Variants in SUCLG1 observed in about 807,000 individuals in gnomAD.
SUCLG1 encodes succinate--CoA ligase [ADP/GDP-forming] subunit alpha, mitochondrial.
A neutral mutation model predicts 37.3 loss-of-function variants in SUCLG1; 26 were observed. That is an observed-to-expected ratio of 0.70 (90% CI 0.51 to 0.97). The LOEUF (loss-of-function observed/expected upper bound fraction) is 0.97, where lower values mean the gene tolerates loss of function less well. Among genes scored for constraint, SUCLG1 ranks in the 50% least tolerant of loss-of-function variants. The pLI is 0.00. For synonymous variants in SUCLG1, 163 were observed against 155.6 expected, an observed-to-expected ratio of 1.05 and a Z score of -0.36; for missense variants, 433 against 432.9, an observed-to-expected ratio of 1.00 and a Z score of 0.00.
intron 5 of SUCLG1, among the ~76,000 whole-genome samples, chr2:84,438,663 C>G (rs1486015744): frequency 6.6e-6 from 1 of 152,186 alleles, no homozygotes; most frequent in Admixed American, 6.5e-5. Context: ...TCTCTCCTCA[C>G]CCCCTCAAAA....
At chr2:84,452,910 G>A (rs1473354755) in intron 1 of SUCLG1, among the ~76,000 whole-genome samples, 3 of 152,034 alleles carry the variant, frequency 2.0e-5, no homozygotes, top group Admixed American at 1.3e-4. Context: ...TCTCTTTTTC[G>A]GTGAGTTGGA....
chr2:84,448,893 T>G (rs1344451730), intron 2 of SUCLG1: 1 of 343,572 alleles, frequency 2.9e-6, no homozygotes, highest in Non-Finnish European at 6.1e-6. Context: ...TATGTTTGCA[T>G]GCACAAGAAA....
chr2:84,452,097 C>T (rs1672951018), intron 1 of SUCLG1, among the ~76,000 whole-genome samples: 1 of 151,876 alleles, frequency 6.6e-6, no homozygotes, highest in South Asian at 2.1e-4. Flanking sequence ...TGATGAATGA[C>T]AGTGTCTCAG....
At chr2:84,445,824 A>C (rs539601289) in intron 2 of SUCLG1, among the ~76,000 whole-genome samples, 1 of 152,340 alleles carries the variant, frequency 6.6e-6, no homozygotes, top group East Asian at 1.9e-4. Context: ...ATCTGGTCAA[A>C]ACATAATGAA....
At chr2:84,448,178 A>AAAAC (rs1672879436) in intron 2 of SUCLG1, among the ~76,000 whole-genome samples, 1 of 150,030 alleles carries the variant, frequency 6.7e-6, no homozygotes, top group African/African-American at 2.5e-5. Flanking sequence ...CAGAAAAAAA[A>AAAAC]AAAAACAAAA....
intron 7 of SUCLG1, among the ~76,000 whole-genome samples, chr2:84,427,897 A>G (rs1672557930): frequency 6.6e-6 from 1 of 152,198 alleles, no homozygotes; most frequent in African/African-American, 2.4e-5. Context: ...TGCTTCATCA[A>G]GGACACTCAT....
chr2:84,430,280 C>T (rs4831972), intron 7 of SUCLG1, among the ~76,000 whole-genome samples: 134,872 of 152,220 alleles, frequency 0.89, 60,189 homozygotes, highest in Non-Finnish European at 0.93. Flanking sequence ...TTAAACTTCG[C>T]AGTCCTTACA....
chr2:84,433,410 C>G lies in SUCLG1; in HGVS notation c.615G>C (p.Leu205=), dbSNP rs754337502. 15 of 1,613,916 alleles carry G rather than the reference C, an allele frequency of 9.3e-6. No homozygotes were observed. The highest frequency in any genetic ancestry group is 4.5e-5 in the East Asian group (2 of 44,858). Residue 205 remains leucine (L), a synonymous_variant, in exon 6 of 9, where the codon CTG becomes CTC. Coordinates refer to ENST00000393868, the MANE Select transcript of SUCLG1 (RefSeq NM_003849.4). ...TTGTTTGGTGAACTGCTTCATAAGT[C>G]AGGGTGCCAGATCTGGACACAATGC... ...RIGIVSRSGT[L]TYEAVHQTTQ... is the part of the protein sequence containing the mutation.
intron 1 of SUCLG1, among the ~76,000 whole-genome samples, chr2:84,451,124 A>G (rs2104265786): frequency 6.6e-6 from 1 of 152,222 alleles, no homozygotes; most frequent in Middle Eastern, 3.4e-3. Flanking sequence ...GCTGCATTCG[A>G]GACCCATTCT....
rs1200393047 is a variant in SUCLG1 at position 84,436,715 on chromosome 2, T to C, written c.590-3280A>G. 2.0e-5 allele frequency among the ~76,000 whole-genome samples: 3 copies of C among 152,214 alleles called. No homozygotes were observed. In the East Asian group the frequency reaches 5.8e-4, roughly 29 times the overall value. On this transcript the variant is annotated intron_variant, in intron 5 of 8. Transcript: ENST00000393868. ...TTTGAATATCCTGACCACACACTGA[T>C]TCTCCAATTAAGAACAATGTTCTCC...
chr2:84,425,813 C>T lies in SUCLG1; in HGVS notation c.826-210G>A, dbSNP rs1232869943. ...TTTCCATACAAACTCAGGAATACAACACTGTGCCAATGTCCGTATCTGTTC... is the reference window on the plus strand; with the variant it reads ...TTTCCATACAAACTCAGGAATACAATACTGTGCCAATGTCCGTATCTGTTC... On this transcript the variant is annotated intron_variant, in intron 7 of 8. Coordinates refer to ENST00000393868, the MANE Select transcript of SUCLG1 (RefSeq NM_003849.4). 14 of 606,272 alleles carry T rather than the reference C, an allele frequency of 2.3e-5. No homozygotes were observed. In the East Asian group the frequency reaches 4.0e-4, roughly 17 times the overall value. 37.6% of individuals were successfully genotyped at this position (606,272 alleles called of 1,614,324 possible).
chr2:84,423,967 G>A (rs1169622664), intron 8 of SUCLG1, among the ~76,000 whole-genome samples, 195 bp from the exon 9 acceptor site: 2 of 152,202 alleles, frequency 1.3e-5, no homozygotes, highest in Non-Finnish European at 2.9e-5. Context: ...GTCTGTGTCA[G>A]CCTGAATTTC....
At chr2:84,426,616 G>T (rs963087931) in intron 7 of SUCLG1, 6 of 151,498 alleles carry the variant, frequency 4.0e-5, no homozygotes, top group Non-Finnish European at 8.8e-5. Flanking sequence ...GCAGTGAGCT[G>T]AGATCATGCC....
At chr2:84,424,384 T>C (rs1672500714) in intron 8 of SUCLG1, among the ~76,000 whole-genome samples, 1 of 152,184 alleles carries the variant, frequency 6.6e-6, no homozygotes. Flanking sequence ...ACATCTCCAA[T>C]GTGAATTTAA....
At chr2:84,432,589 T>A (rs766792593) in intron 6 of SUCLG1, 1 of 152,250 alleles carries the variant, frequency 6.6e-6, no homozygotes, top group South Asian at 2.1e-4. Context: ...TATCTTCCAC[T>A]TATATTGTGC....
chr2:84,443,919 C>T (rs1019401926), intron 2 of SUCLG1, among the ~76,000 whole-genome samples: 1 of 152,204 alleles, frequency 6.6e-6, no homozygotes, highest in African/African-American at 2.4e-5. Context: ...TGCCCACCCA[C>T]CAACCTGTAT....
In SUCLG1 at chr2:84,441,289, T is replaced by C. The variant is rs1672768868; in HGVS notation, c.489A>G (p.Glu163=). Residue 163 remains glutamate (E), a synonymous_variant, in exon 4 of 9, where the codon GAA becomes GAG. Coordinates refer to ENST00000393868, the MANE Select transcript of SUCLG1 (RefSeq NM_003849.4). ...VRVKHKLLRQ[E]KTRLIGPNCP... ...AGTTGGGCCCAATTAGCCTTGTCTT[T>C]TCCTGGCGCAGCAGTTTGTGCTTGA... is the stretch of plus-strand genomic sequence containing the variant. 2.5e-6 allele frequency: 4 copies of C among 1,614,144 alleles called. No individual in the cohort carries two copies. The highest frequency in any genetic ancestry group is 3.4e-6 in the Non-Finnish European group (4 of 1,180,012).
intron 3 of SUCLG1, among the ~76,000 whole-genome samples, chr2:84,441,776 T>C (rs1254389608): frequency 6.6e-6 from 1 of 152,154 alleles, no homozygotes; most frequent in Non-Finnish European, 1.5e-5. Flanking sequence ...CCACAAATGA[T>C]GCCGGGGGTT....
intron 2 of SUCLG1, among the ~76,000 whole-genome samples, chr2:84,449,129 G>A (rs969465857): frequency 1.3e-5 from 2 of 152,188 alleles, no homozygotes; most frequent in African/African-American, 4.8e-5. Flanking sequence ...AATTCTGCCT[G>A]CTAGTCCCAG....
Sources: gnomAD v4.1 joint callset for allele counts (sites outside exome capture counted in the v4.1 genomes callset) on GRCh38, gnomAD v4.1.1 for gene constraint, MANE v1.5 for transcripts, NCBI Gene and HGNC (gene_info 2026-07-23, HGNC 2026-07-21) for gene names.